NELL1: variants seen among roughly 807,000 people sequenced by gnomAD.
NELL1 encodes the protein neural EGFL like 1, also known as protein kinase C-binding protein NELL1.
In NELL1, 76 loss-of-function variants were observed where a neutral mutation model predicts 107.4. The observed-to-expected ratio is 0.71, with a 90% CI of 0.59 to 0.86. The LOEUF (loss-of-function observed/expected upper bound fraction) is 0.86. Ranked by LOEUF, NELL1 falls within the 40% of genes least tolerant of loss-of-function variation. The pLI is 0.00. For synonymous variants in NELL1, 353 were observed against 341.2 expected (o/e 1.03, Z -0.38); for missense variants, 1,024 against 1,005.5 (o/e 1.02, Z -0.25).
chr11:21,236,032 A>T (rs956300758), intron 14 of NELL1, among the ~76,000 whole-genome samples: 1 of 151,992 alleles, frequency 6.6e-6, no homozygotes, highest in Non-Finnish European at 1.5e-5. Flanking sequence ...GAGTTAACTA[A>T]TCATTCTCCC....
At chr11:21,503,723 C>A (rs1855208294) in intron 15 of NELL1, among the ~76,000 whole-genome samples, 1 of 152,092 alleles carries the variant, frequency 6.6e-6, no homozygotes, top group African/African-American at 2.4e-5. Context: ...AGAGGCTATT[C>A]TCAGTCAGCA....
intron 13 of NELL1, among the ~76,000 whole-genome samples, chr11:21,153,207 G>T (rs1294727854): frequency 6.6e-6 from 1 of 152,056 alleles, no homozygotes; most frequent in Non-Finnish European, 1.5e-5. Context: ...AGACATTTTT[G>T]ATTTAACCAG....
rs114395975 is a variant in NELL1, at chr11:21,137,668, G to A, written c.1426+23954G>A. Among the ~76,000 whole-genome samples the A allele has an allele frequency of 6.9e-3, 1,054 of 152,306 alleles. 13 individuals carry two copies. The highest frequency in any genetic ancestry group is 0.024 in the African/African-American group (987 of 41,566). ...ACTGTTAGGATGAAGAATACTTGAA[G>A]GCTAGATGGGAAAGCAGAATAAAGA... On this transcript the variant is annotated intron_variant, in intron 13 of 19. Transcript: ENST00000357134.
rs944714345 is a variant in NELL1 at position 21,011,232 on chromosome 11, T to C, written c.1300+50672T>C. 2.6e-5 allele frequency among the ~76,000 whole-genome samples: 4 copies of C among 152,154 alleles called. No individual in the cohort carries two copies. The South Asian group carries it at 8.3e-4, about 32-fold the overall frequency. ...TATGATGAAGTCTTTCTGGATCTCC[T>C]GGTCTAGCCCAGAGTTATTTGTTAT... On this transcript the variant is annotated intron_variant, in intron 12 of 19. Coordinates refer to ENST00000357134, the MANE Select transcript of NELL1 (RefSeq NM_006157.5).
chr11:21,065,585 G>T (rs1380455142), intron 12 of NELL1, among the ~76,000 whole-genome samples: 1 of 152,128 alleles, frequency 6.6e-6, no homozygotes, highest in African/African-American at 2.4e-5. Context: ...CCTGGCATTG[G>T]ATTGCATGCG....
At chr11:21,567,818 A>G (rs1228434186) in intron 17 of NELL1, among the ~76,000 whole-genome samples, 2 of 151,850 alleles carry the variant, frequency 1.3e-5, no homozygotes, top group East Asian at 1.9e-4. Context: ...ACATTTGCAA[A>G]GCATTGTGAC....
intron 2 of NELL1, among the ~76,000 whole-genome samples, chr11:20,702,447 A>T (rs1471649005): frequency 1.3e-5 from 2 of 152,138 alleles, no homozygotes; most frequent in Non-Finnish European, 2.9e-5. Context: ...CAATCATGTC[A>T]TCTGCAAACA....
intron 2 of NELL1, among the ~76,000 whole-genome samples, chr11:20,719,156 T>G (rs1266719989): frequency 6.6e-6 from 1 of 152,232 alleles, no homozygotes; most frequent in African/African-American, 2.4e-5. Context: ...AGTCTTTTCT[T>G]CTCATCACAA....
chr11:20,982,947 T>A (rs1255661604), intron 12 of NELL1, among the ~76,000 whole-genome samples: 1 of 152,210 alleles, frequency 6.6e-6, no homozygotes, highest in Non-Finnish European at 1.5e-5. Flanking sequence ...TTTTCAGATA[T>A]CTCTTTTATT....
chr11:20,755,546 TTTTG>T (rs1856248399), intron 2 of NELL1, among the ~76,000 whole-genome samples: 5 of 45,550 alleles, frequency 1.1e-4, no homozygotes, highest in South Asian at 1.1e-3. Flanking sequence ...TTTTGTTTTT[TTTTG>T]TTTTTGTTTT....
intron 12 of NELL1, among the ~76,000 whole-genome samples, chr11:21,062,703 A>G (rs1044156525): frequency 1.3e-5 from 2 of 152,230 alleles, no homozygotes; most frequent in Non-Finnish European, 2.9e-5. Context: ...CTAACTGACT[A>G]TAAATCTGGG....
chr11:21,244,682 T>C (rs1321837752), intron 14 of NELL1, among the ~76,000 whole-genome samples: 2 of 152,168 alleles, frequency 1.3e-5, no homozygotes, highest in African/African-American at 4.8e-5. Flanking sequence ...TGAAGAATAT[T>C]GTCTTCCCAT....
At chr11:20,789,750 C>G (rs1857038241) in intron 3 of NELL1, among the ~76,000 whole-genome samples, 1 of 152,180 alleles carries the variant, frequency 6.6e-6, no homozygotes, top group African/African-American at 2.4e-5. Flanking sequence ...AGCTCCTTTC[C>G]TCAGCCAGGG....
intron 14 of NELL1, among the ~76,000 whole-genome samples, chr11:21,231,157 G>T (rs1190789942): frequency 6.6e-6 from 1 of 151,772 alleles, no homozygotes; most frequent in African/African-American, 2.4e-5. Context: ...ACATATTTTT[G>T]AGAAAAAATA....
chr11:21,549,716 C>T (rs1856530079), intron 16 of NELL1, among the ~76,000 whole-genome samples: 1 of 151,686 alleles, frequency 6.6e-6, no homozygotes, highest in Non-Finnish European at 1.5e-5. Context: ...TAATCTGGCA[C>T]CCTGAGTGGC....
chr11:20,925,721 A>C (rs1285035850), intron 7 of NELL1, among the ~76,000 whole-genome samples: 1 of 152,164 alleles, frequency 6.6e-6, no homozygotes, highest in Non-Finnish European at 1.5e-5. Flanking sequence ...TGGTTGGTCT[A>C]AGATCCTATT....
intron 10 of NELL1, among the ~76,000 whole-genome samples, chr11:20,943,905 CA>C (rs1169071712): frequency 2.6e-5 from 4 of 152,148 alleles, no homozygotes; most frequent in Non-Finnish European, 5.9e-5. Flanking sequence ...GGCTATGGCC[CA>C]TTGATTCCCT....
intron 14 of NELL1, among the ~76,000 whole-genome samples, chr11:21,235,948 A>G (rs1210983606): frequency 1.3e-5 from 2 of 152,270 alleles, no homozygotes; most frequent in East Asian, 1.9e-4. Context: ...TGTGACATGT[A>G]GTCCCATATG....
chr11:20,708,498 T>C (rs1855031308), intron 2 of NELL1, among the ~76,000 whole-genome samples: 1 of 152,154 alleles, frequency 6.6e-6, no homozygotes, highest in Admixed American at 6.5e-5. Context: ...TTTTTTAATG[T>C]TTTTTGGCCA....
Sources: gnomAD v4.1 joint callset for allele counts (sites outside exome capture counted in the v4.1 genomes callset) on GRCh38, gnomAD v4.1.1 for gene constraint, MANE v1.5 for transcripts, NCBI Gene and HGNC (gene_info 2026-07-23, HGNC 2026-07-21) for gene names.